MACROD2: variants seen among roughly 807,000 people sequenced by gnomAD.
The protein encoded by MACROD2 is ADP-ribose glycohydrolase MACROD2.
A neutral mutation model predicts 70.4 loss-of-function variants in MACROD2; 36 were observed. That is an observed-to-expected ratio of 0.51 (90% CI 0.39 to 0.68). MACROD2 has a LOEUF of 0.68. MACROD2 is among the 30% of genes least tolerant of loss of function. The pLI, the probability that MACROD2 is intolerant of heterozygous loss-of-function variation, is 0.00. For synonymous variants in MACROD2, 172 were observed against 178.8 expected, an observed-to-expected ratio of 0.96 and a Z score of 0.30; for missense variants, 496 against 538.4, an observed-to-expected ratio of 0.92 and a Z score of 0.78.
chr20:15,736,237 C>T (rs531232539), intron 8 of MACROD2, among the ~76,000 whole-genome samples: 3 of 152,294 alleles, frequency 2.0e-5, no homozygotes, highest in South Asian at 4.1e-4. Context: ...TGGAATGACC[C>T]ACATCCACAC....
At chr20:14,665,216 A>G (rs2070724324) in intron 4 of MACROD2, among the ~76,000 whole-genome samples, 1 of 152,152 alleles carries the variant, frequency 6.6e-6, no homozygotes, top group Admixed American at 6.6e-5. Context: ...GTTAAATAAA[A>G]GAGTGAATGA....
chr20:14,945,717 G>A (rs976233954), intron 5 of MACROD2, among the ~76,000 whole-genome samples: 3 of 152,108 alleles, frequency 2.0e-5, no homozygotes, highest in South Asian at 2.1e-4. Context: ...AAGCAAGCAT[G>A]TGACTGTCCT....
At chr20:15,170,062 A>G (rs2076412246) in intron 5 of MACROD2, among the ~76,000 whole-genome samples, 1 of 152,222 alleles carries the variant, frequency 6.6e-6, no homozygotes, top group Admixed American at 6.5e-5. Context: ...GCCAGATGGT[A>G]ATCAGTAGTT....
chr20:14,296,233 T>C (rs1469696271), intron 3 of MACROD2, among the ~76,000 whole-genome samples: 1 of 151,904 alleles, frequency 6.6e-6, no homozygotes, highest in Non-Finnish European at 1.5e-5. Flanking sequence ...CTTGGGAAAA[T>C]TCGATATCAT....
intron 6 of MACROD2, among the ~76,000 whole-genome samples, chr20:15,268,037 T>G (rs143927736): frequency 1.2e-3 from 187 of 152,280 alleles, no homozygotes; most frequent in African/African-American, 4.4e-3. Flanking sequence ...GAGGAGAAAG[T>G]CCTAACAACA....
intron 4 of MACROD2, among the ~76,000 whole-genome samples, chr20:14,589,304 C>T (rs1233310418): frequency 1.3e-5 from 2 of 152,092 alleles, no homozygotes; most frequent in Admixed American, 6.6e-5. Context: ...GTGAATTTCT[C>T]CTTTTTTCTA....
At chr20:15,166,925 TA>T (rs2076389189) in intron 5 of MACROD2, among the ~76,000 whole-genome samples, 1 of 148,610 alleles carries the variant, frequency 6.7e-6, no homozygotes, top group African/African-American at 2.4e-5. Context: ...ATTTAAGTAT[TA>T]AATTTAAGTA....
At chr20:14,091,222 G>A (rs2054144555) in intron 3 of MACROD2, among the ~76,000 whole-genome samples, 1 of 151,924 alleles carries the variant, frequency 6.6e-6, no homozygotes, top group African/African-American at 2.4e-5. Flanking sequence ...TTAATTGTTT[G>A]CTGGGCAGAA....
intron 10 of MACROD2, among the ~76,000 whole-genome samples, chr20:15,924,893 A>G (rs575523508): frequency 6.6e-6 from 1 of 152,320 alleles, no homozygotes; most frequent in Non-Finnish European, 1.5e-5. Context: ...CTCACTGGTT[A>G]TCTAGATTCA....
At chr20:15,789,767 C>A (rs1468551602) in intron 8 of MACROD2, among the ~76,000 whole-genome samples, 1 of 151,652 alleles carries the variant, frequency 6.6e-6, no homozygotes, top group Non-Finnish European at 1.5e-5. Flanking sequence ...TTTAAAATGG[C>A]ATAAAGGAAA....
rs1285490484 is a variant in MACROD2 at position 15,730,928 on chromosome 20, G to A, written c.646-131817G>A. ...AAATTAGTTCAGAGAACTGGTCTTCGAGCTCTGAGATTCTTTCCTCAGCTT... is the reference window on the plus strand; with the variant it reads ...AAATTAGTTCAGAGAACTGGTCTTCAAGCTCTGAGATTCTTTCCTCAGCTT... On this transcript the variant is annotated intron_variant, in intron 8 of 17. Transcript: ENST00000684519. Among the ~76,000 whole-genome samples the A allele has an allele frequency of 7.6e-4, 10 of 13,242 alleles. 4 individuals carry two copies. In the South Asian group the frequency reaches 9.1e-3, roughly 12 times the overall value. 8.7% of individuals were successfully genotyped at this position (13,242 alleles called of 152,430 possible). A position where few individuals can be genotyped will look rare whatever the true frequency, so the allele number is the denominator to read the frequency against.
At chr20:15,015,556 T>A (rs1464017340) in intron 5 of MACROD2, among the ~76,000 whole-genome samples, 1 of 152,170 alleles carries the variant, frequency 6.6e-6, no homozygotes, top group Non-Finnish European at 1.5e-5. Flanking sequence ...CCTTGCCAGT[T>A]AATGTTCCAT....
At chr20:14,187,871 C>T (rs1459388381) in intron 3 of MACROD2, among the ~76,000 whole-genome samples, 1 of 152,058 alleles carries the variant, frequency 6.6e-6, no homozygotes, top group African/African-American at 2.4e-5. Context: ...TTTTTTGTAT[C>T]CCATGATCCA....
chr20:15,323,649 C>A (rs776771254), intron 6 of MACROD2, among the ~76,000 whole-genome samples: 11 of 152,138 alleles, frequency 7.2e-5, no homozygotes, highest in Non-Finnish European at 1.5e-4. Flanking sequence ...TTTCCCACAC[C>A]CCTCCATCAT....
rs541366722 is a variant in MACROD2, at chr20:14,244,456, A to T, written c.271+158728A>T. Among the ~76,000 whole-genome samples the T allele has an allele frequency of 1.3e-3, 200 of 152,186 alleles. 1 individual carries two copies. The Middle Eastern group carries it at 0.027, about 21-fold the overall frequency. On this transcript the variant is annotated intron_variant, in intron 3 of 17. Transcript: ENST00000684519. Reference sequence around the variant, plus strand: ...GAAGAATGTTTATTTAGTGGTCAGTATGTAGATGGCCAACTCTAGAAGGAG... The same window carrying T: ...GAAGAATGTTTATTTAGTGGTCAGTTTGTAGATGGCCAACTCTAGAAGGAG...
intron 3 of MACROD2, among the ~76,000 whole-genome samples, chr20:14,378,400 T>A (rs1600177903): frequency 6.6e-6 from 1 of 152,140 alleles, no homozygotes; most frequent in East Asian, 1.9e-4. Context: ...TAGTTGTAGC[T>A]CACATAAAAT....
chr20:15,924,675 GT>G (rs1470516437), intron 10 of MACROD2, among the ~76,000 whole-genome samples: 1 of 151,866 alleles, frequency 6.6e-6, no homozygotes, highest in African/African-American at 2.4e-5. Flanking sequence ...AACGTTGTAG[GT>G]ACTCAACAAA....
At chr20:14,085,937 G>A (rs1268598825) in intron 3 of MACROD2, among the ~76,000 whole-genome samples, 12 of 152,080 alleles carry the variant, frequency 7.9e-5, no homozygotes, top group Non-Finnish European at 1.0e-4. Context: ...TACAGTGAAA[G>A]GCGCTAGGTT....
At chr20:14,005,699 T>G (rs1412997337) in intron 2 of MACROD2, among the ~76,000 whole-genome samples, 2 of 152,122 alleles carry the variant, frequency 1.3e-5, no homozygotes, top group African/African-American at 4.8e-5. Context: ...ACCTCCTGGC[T>G]TCAAGCAATT....
Sources: allele counts gnomAD v4.1 joint callset (sites outside exome capture counted in the v4.1 genomes callset), GRCh38; gene constraint gnomAD v4.1.1; transcripts MANE v1.5; gene names NCBI Gene and HGNC (gene_info 2026-07-23, HGNC 2026-07-21).